The following CSMD1 variants were observed in gnomAD, a reference collection of about 807,000 sequenced individuals.
The protein encoded by CSMD1 is CUB and sushi domain-containing protein 1.
CSMD1 carries 213 observed loss-of-function variants against 417.5 expected under a neutral mutation model. That is an observed-to-expected ratio of 0.51 (90% CI 0.46 to 0.57). The LOEUF (loss-of-function observed/expected upper bound fraction) is 0.57, where lower values mean the gene tolerates loss of function less well. Ranked by LOEUF, CSMD1 falls within the 20% of genes least tolerant of loss-of-function variation. The pLI is 0.00. For synonymous variants in CSMD1, 2,862 were observed against 1,736.8 expected (o/e 1.65, Z -16.11); for missense variants, 6,923 against 4,529.7 (o/e 1.53, Z -15.17).
intron 51 of CSMD1, among the ~76,000 whole-genome samples, chr8:3,020,186 G>C (rs601657): frequency 0.026 from 3,885 of 152,268 alleles, 187 homozygotes; most frequent in African/African-American, 0.088. Flanking sequence ...CTACTGCATA[G>C]GCTTGTGCAT....
At chr8:3,146,709 G>A (rs1204517778) in intron 40 of CSMD1, among the ~76,000 whole-genome samples, 4 of 152,146 alleles carry the variant, frequency 2.6e-5, no homozygotes, top group Non-Finnish European at 5.9e-5. Flanking sequence ...GGTTACTGAG[G>A]CAGGGTATAG....
intron 2 of CSMD1, among the ~76,000 whole-genome samples, chr8:4,447,920 C>G (rs144006574): frequency 2.6e-5 from 4 of 151,632 alleles, no homozygotes; most frequent in East Asian, 1.9e-4. Context: ...TCGGAAATGA[C>G]GACAATTACC....
chr8:3,980,219 A>G (rs1042520387), intron 5 of CSMD1, among the ~76,000 whole-genome samples: 4 of 152,228 alleles, frequency 2.6e-5, no homozygotes, highest in African/African-American at 9.6e-5. Context: ...GCCTCATCTT[A>G]TCAACCATTG....
At chr8:4,903,878 C>T (rs541485599) in intron 1 of CSMD1, among the ~76,000 whole-genome samples, 18 of 152,310 alleles carry the variant, frequency 1.2e-4, no homozygotes, top group African/African-American at 4.1e-4. Flanking sequence ...TGCATGGATG[C>T]CTTCAACGCC....
intron 10 of CSMD1, among the ~76,000 whole-genome samples, chr8:3,570,887 C>G (rs1325753359): frequency 6.6e-6 from 1 of 152,090 alleles, no homozygotes; most frequent in African/African-American, 2.4e-5. Flanking sequence ...AATAGGAACT[C>G]TAAGCTTCTT....
intron 3 of CSMD1, among the ~76,000 whole-genome samples, chr8:4,195,364 G>A (rs775442136): frequency 1.3e-5 from 2 of 152,100 alleles, no homozygotes; most frequent in African/African-American, 2.4e-5. Context: ...CTAACAAATT[G>A]GATCTTCTAT....
Position 3,450,292 on chromosome 8 carries a change from G to C in CSMD1, c.1561+18420C>G, listed in dbSNP as rs150309808. On this transcript the variant is annotated intron_variant, in intron 12 of 69. Coordinates refer to ENST00000635120, the MANE Select transcript of CSMD1 (RefSeq NM_033225.6). ...TCAGATCTTCCTACCCATACACATG[G>C]TTGCATACAAGCCTCTCCTATTTTT... 2.2e-4 allele frequency among the ~76,000 whole-genome samples: 33 copies of C among 150,934 alleles called. No individual in the cohort carries two copies. In the East Asian group the frequency reaches 6.4e-3, roughly 29 times the overall value.
intron 18 of CSMD1, among the ~76,000 whole-genome samples, chr8:3,370,554 G>T (rs1231266797): frequency 6.6e-6 from 1 of 152,224 alleles, no homozygotes; most frequent in East Asian, 1.9e-4. Flanking sequence ...CTGGTAAGAG[G>T]CCGGTCATGT....
rs191365996 is a variant in CSMD1 at position 4,216,549 on chromosome 8, C to A, written c.416-184450G>T. 3.9e-5 allele frequency among the ~76,000 whole-genome samples: 6 copies of A among 152,210 alleles called. No homozygotes were observed. In the East Asian group the frequency reaches 1.2e-3, roughly 29 times the overall value. On this transcript the variant is annotated intron_variant, in intron 3 of 69. Coordinates refer to ENST00000635120, the MANE Select transcript of CSMD1 (RefSeq NM_033225.6). ...CTAAGAATTCTCAAGATCAAAGAAC[C>A]CGGCCTGAGTCTGCTGCCACTGCCA...
chr8:4,290,901 T>C (rs1797324232), intron 3 of CSMD1, among the ~76,000 whole-genome samples: 1 of 152,220 alleles, frequency 6.6e-6, no homozygotes, highest in Non-Finnish European at 1.5e-5. Flanking sequence ...CTCTCTGTAA[T>C]TCCGCCAGTT....
At chr8:4,275,750 C>CA (rs1796449609) in intron 3 of CSMD1, among the ~76,000 whole-genome samples, 1 of 152,128 alleles carries the variant, frequency 6.6e-6, no homozygotes, top group South Asian at 2.1e-4. Flanking sequence ...CACACCTGTG[C>CA]AAAACACTTT....
At chr8:4,085,704 G>T (rs895311860) in intron 3 of CSMD1, among the ~76,000 whole-genome samples, 8 of 152,260 alleles carry the variant, frequency 5.3e-5, no homozygotes, top group African/African-American at 1.7e-4. Context: ...ATCCCAAATT[G>T]TTAATAAAAC....
chr8:4,920,097 T>A (rs577559205), intron 1 of CSMD1, among the ~76,000 whole-genome samples: 1 of 152,170 alleles, frequency 6.6e-6, no homozygotes, highest in African/African-American at 2.4e-5. Context: ...TAGAAGACAA[T>A]GTTGAGATCA....
chr8:4,152,792 G>A (rs1796638238), intron 3 of CSMD1, among the ~76,000 whole-genome samples: 1 of 152,080 alleles, frequency 6.6e-6, no homozygotes. Flanking sequence ...GCATTTTTAT[G>A]GGAATATACA....
At chr8:3,790,415 G>C (rs1433645551) in intron 5 of CSMD1, among the ~76,000 whole-genome samples, 1 of 152,112 alleles carries the variant, frequency 6.6e-6, no homozygotes, top group Non-Finnish European at 1.5e-5. Context: ...AATGACAATG[G>C]TGATAACAGT....
intron 3 of CSMD1, among the ~76,000 whole-genome samples, chr8:4,136,330 G>C (rs566616184): frequency 5.3e-5 from 8 of 152,124 alleles, no homozygotes; most frequent in Non-Finnish European, 1.0e-4. Context: ...ATCTTGATCT[G>C]TTAGTGATAA....
chr8:3,490,343 T>C (rs1023529249), intron 11 of CSMD1, among the ~76,000 whole-genome samples: 1 of 152,198 alleles, frequency 6.6e-6, no homozygotes, highest in East Asian at 1.9e-4. Context: ...TTGCAATTGC[T>C]TTCTTAACAA....
intron 50 of CSMD1, among the ~76,000 whole-genome samples, chr8:3,040,387 AATATATATATAT>A (rs35722761): frequency 7.3e-6 from 1 of 137,554 alleles, no homozygotes; most frequent in Non-Finnish European, 1.6e-5. Context: ...TACACATTGA[AATATATATATAT>A]ATATATATAT....
intron 2 of CSMD1, among the ~76,000 whole-genome samples, chr8:4,625,492 C>A (rs975045569): frequency 6.6e-6 from 1 of 151,862 alleles, no homozygotes; most frequent in African/African-American, 2.4e-5. Flanking sequence ...ATGAATCCAC[C>A]TTTGTAAAGC....
Sources: allele counts gnomAD v4.1 joint callset (sites outside exome capture counted in the v4.1 genomes callset), GRCh38; gene constraint gnomAD v4.1.1; transcripts MANE v1.5; gene names NCBI Gene and HGNC (gene_info 2026-07-23, HGNC 2026-07-21).